NPAS3: variants seen among roughly 807,000 people sequenced by gnomAD.
NPAS3 encodes the protein neuronal PAS domain-containing protein 3.
NPAS3 carries 14 observed loss-of-function variants against 73.1 expected under a neutral mutation model. That is an observed-to-expected ratio of 0.19 (90% CI 0.13 to 0.30). The LOEUF is 0.30. NPAS3 is among the 10% of genes least tolerant of loss of function. NPAS3 has a pLI of 1.00. For synonymous variants in NPAS3, 620 were observed against 541.5 expected (o/e 1.14, Z -2.01); for missense variants, 1,096 against 1,250.0 (o/e 0.88, Z 1.86).
intron 4 of NPAS3, among the ~76,000 whole-genome samples, chr14:33,518,513 G>A (rs2053408299): frequency 6.6e-6 from 1 of 151,336 alleles, no homozygotes; most frequent in African/African-American, 2.4e-5. Context: ...AGAGCTGTCT[G>A]CTTTATTGCA....
chr14:33,004,976 G>A (rs557949745), intron 1 of NPAS3, among the ~76,000 whole-genome samples: 1 of 151,788 alleles, frequency 6.6e-6, no homozygotes, highest in East Asian at 1.9e-4. Context: ...GTAATAACAT[G>A]CTTGGAGCCG....
chr14:33,657,876 A>T (rs763094963), intron 5 of NPAS3, among the ~76,000 whole-genome samples: 1 of 152,174 alleles, frequency 6.6e-6, no homozygotes, highest in Non-Finnish European at 1.5e-5. Context: ...TAGGTGAGGG[A>T]TGTCAAATTG....
chr14:33,384,795 G>A (rs555382741), intron 4 of NPAS3, among the ~76,000 whole-genome samples: 2 of 152,234 alleles, frequency 1.3e-5, no homozygotes, highest in Admixed American at 6.5e-5. Context: ...TCTATTTTAT[G>A]TTCTCAGAAA....
intron 2 of NPAS3, among the ~76,000 whole-genome samples, chr14:33,195,249 A>G (rs139350853): frequency 2.0e-5 from 3 of 152,206 alleles, no homozygotes; most frequent in Non-Finnish European, 2.9e-5. Context: ...AAAAAATTTA[A>G]AAAAGGGTTT....
Position 33,684,060 on chromosome 14 carries a change from G to T in NPAS3, c.733+7675G>T, listed in dbSNP as rs2060016667. 3.3e-5 allele frequency among the ~76,000 whole-genome samples: 5 copies of T among 152,058 alleles called. No individual in the cohort carries two copies. The South Asian group carries it at 1.0e-3, about 32-fold the overall frequency. On this transcript the variant is annotated intron_variant, in intron 6 of 11. Transcript: ENST00000356141. ...TTTGTGGCCAAGATTAGAGGAAAGG[G>T]TACAATATTAGGGTTGCAGCAGGTG...
At chr14:33,518,389 A>T (rs1951381) in intron 4 of NPAS3, among the ~76,000 whole-genome samples, 99,870 of 151,914 alleles carry the variant, frequency 0.66, 32,955 homozygotes, top group South Asian at 0.74. Context: ...GATAATAGAA[A>T]TGGAGCTGCT....
intron 4 of NPAS3, among the ~76,000 whole-genome samples, chr14:33,467,223 T>G (rs1440527620): frequency 6.6e-6 from 1 of 152,194 alleles, no homozygotes; most frequent in Non-Finnish European, 1.5e-5. Flanking sequence ...AAGAAAAGGC[T>G]TAGGGATTTT....
At chr14:33,791,114 G>C (rs1431880744) in intron 9 of NPAS3, among the ~76,000 whole-genome samples, 1 of 152,150 alleles carries the variant, frequency 6.6e-6, no homozygotes, top group African/African-American at 2.4e-5. Flanking sequence ...CTACCCTTTA[G>C]GAATTCTGCC....
At chr14:33,794,034 T>A in exon 10 of NPAS3, 1 of 1,612,768 alleles carries the variant, frequency 6.2e-7, no homozygotes, top group Non-Finnish European at 8.5e-7. Context: ...CTGGGTGAAT[T>A]ACCTTCTTAG....
rs138512835 is a variant in NPAS3, at chr14:33,100,065, A to G, written c.140+44071A>G. On this transcript the variant is annotated intron_variant, in intron 2 of 11. Transcript: ENST00000356141. ...TTTCAAGGCAACTATATGTAGCCCT[A>G]CAAATTATAGAACTGGTTTAAGTCA... Among the ~76,000 whole-genome samples, 51 of 152,354 alleles carry G rather than the reference A, an allele frequency of 3.3e-4. No homozygotes were observed. In the East Asian group the frequency reaches 8.5e-3, roughly 25 times the overall value.
At chr14:33,188,777 T>A (rs2046069535) in intron 2 of NPAS3, among the ~76,000 whole-genome samples, 2 of 152,216 alleles carry the variant, frequency 1.3e-5, no homozygotes, top group Admixed American at 6.5e-5. Context: ...CAGGAAGCGA[T>A]AAGATGAATA....
intron 3 of NPAS3, among the ~76,000 whole-genome samples, chr14:33,224,672 G>T (rs573440810): frequency 6.6e-6 from 1 of 152,020 alleles, no homozygotes; most frequent in Admixed American, 6.6e-5. Context: ...TCTATGTTCC[G>T]CTACTTACGA....
intron 3 of NPAS3, among the ~76,000 whole-genome samples, chr14:33,288,723 A>G (rs1269808223): frequency 6.6e-6 from 1 of 152,050 alleles, no homozygotes; most frequent in African/African-American, 2.4e-5. Flanking sequence ...ATGTGTGTAC[A>G]TTTTCTAAAA....
intron 2 of NPAS3, among the ~76,000 whole-genome samples, chr14:33,200,680 T>G (rs988406611): frequency 1.3e-5 from 2 of 152,322 alleles, no homozygotes; most frequent in South Asian, 4.1e-4. Flanking sequence ...GATTTTACAT[T>G]AAAAAATCTG....
chr14:33,735,709 A>C (rs1309385429), intron 7 of NPAS3, among the ~76,000 whole-genome samples: 1 of 152,034 alleles, frequency 6.6e-6, no homozygotes, highest in Non-Finnish European at 1.5e-5. Context: ...TTTCCCCTTC[A>C]AATTCTCCCT....
chr14:33,089,825 G>T (rs1240337280), intron 2 of NPAS3, among the ~76,000 whole-genome samples: 1 of 152,196 alleles, frequency 6.6e-6, no homozygotes, highest in African/African-American at 2.4e-5. Flanking sequence ...CAAGCCAGAA[G>T]AGAGTGGAGG....
intron 2 of NPAS3, among the ~76,000 whole-genome samples, chr14:33,142,452 C>A (rs1238085357): frequency 6.6e-6 from 1 of 151,962 alleles, no homozygotes; most frequent in Non-Finnish European, 1.5e-5. Context: ...TGATTTCATG[C>A]CCTATACTAG....
intron 1 of NPAS3, among the ~76,000 whole-genome samples, chr14:33,051,535 A>C (rs1004637915): frequency 4.6e-5 from 7 of 151,664 alleles, no homozygotes; most frequent in Non-Finnish European, 1.0e-4. Context: ...CAGGGCAAAA[A>C]ATTTTGTTTT....
At chr14:33,076,172 G>A (rs1351972050) in intron 2 of NPAS3, among the ~76,000 whole-genome samples, 1 of 152,072 alleles carries the variant, frequency 6.6e-6, no homozygotes, top group Admixed American at 6.6e-5. Flanking sequence ...ATAAACAAAG[G>A]TTGATAAGGA....
Sources: gnomAD v4.1 joint callset for allele counts (sites outside exome capture counted in the v4.1 genomes callset) on GRCh38, gnomAD v4.1.1 for gene constraint, MANE v1.5 for transcripts, NCBI Gene and HGNC (gene_info 2026-07-23, HGNC 2026-07-21) for gene names.